GSE1: variants seen among roughly 807,000 people sequenced by gnomAD.
GSE1 encodes Gse1 coiled-coil protein, also known as genetic suppressor element 1.
GSE1 carries 32 observed loss-of-function variants against 112.6 expected under a neutral mutation model. That is an observed-to-expected ratio of 0.28 (90% CI 0.21 to 0.38). The LOEUF is 0.38. Ranked by LOEUF, GSE1 falls within the 10% of genes least tolerant of loss-of-function variation. The pLI, the probability that GSE1 is intolerant of heterozygous loss-of-function variation, is 1.00. For synonymous variants in GSE1, 1,115 were observed against 735.6 expected (o/e 1.52, Z -8.35); for missense variants, 2,348 against 1,699.2 (o/e 1.38, Z -6.71).
intron 1 of GSE1, among the ~76,000 whole-genome samples, chr16:85,599,596 C>G (rs1432142481): frequency 6.6e-6 from 1 of 152,242 alleles, no homozygotes; most frequent in East Asian, 1.9e-4. Flanking sequence ...CCTGTGATCA[C>G]AAGCCTCTTG....
chr16:85,286,285 G>A (rs1445875327), intron 1 of GSE1, among the ~76,000 whole-genome samples: 2 of 152,238 alleles, frequency 1.3e-5, no homozygotes, highest in African/African-American at 4.8e-5. Context: ...GAGGCTCTCC[G>A]TGTCCTTGCC....
Position 85,656,528 on chromosome 16 carries a change from G to A in GSE1, c.1175G>A (p.Arg392Gln), listed in dbSNP as rs766892362. 41 of 1,548,894 alleles carry A rather than the reference G, an allele frequency of 2.6e-5. No individual in the cohort carries two copies. The highest frequency in any genetic ancestry group is 9.8e-5 in the East Asian group (4 of 40,924). ...GAGCTGGAGCGCCAGCGGGAGCAGC[G>A]GGCCCGGGAGAAGGAGCTGCTGGCC... ...ERELERQREQ[R>Q]AREKELLAAK... Residue 392 changes from arginine (R) to glutamine (Q), a missense_variant, in exon 7 of 16, where the codon CGG becomes CAG. By Grantham distance (43) the Arg-to-Gln change is conservative. Coordinates refer to ENST00000253458, the MANE Select transcript of GSE1 (RefSeq NM_014615.5).
chr16:85,518,111 G>A (rs1341247148), intron 2 of GSE1, among the ~76,000 whole-genome samples: 4 of 152,328 alleles, frequency 2.6e-5, no homozygotes, highest in Admixed American at 6.5e-5. Context: ...GCGCCAGCCA[G>A]GCTATCACTG....
intron 1 of GSE1, among the ~76,000 whole-genome samples, chr16:85,266,037 G>C (rs1484914600): frequency 6.6e-6 from 1 of 152,204 alleles, no homozygotes; most frequent in African/African-American, 2.4e-5. Flanking sequence ...ATTTCAGGCC[G>C]CGGCGCTGGG....
intron 2 of GSE1, among the ~76,000 whole-genome samples, chr16:85,391,068 C>A (rs1388049546): frequency 2.6e-5 from 4 of 151,484 alleles, no homozygotes; most frequent in African/African-American, 9.7e-5. Context: ...TGGTTTGATG[C>A]TGTCAGCTCC....
In GSE1 at chr16:85,616,518, G is replaced by A. The variant is rs570106098; in HGVS notation, c.7+3120G>A. 5.3e-5 allele frequency among the ~76,000 whole-genome samples: 8 copies of A among 152,304 alleles called. No individual in the cohort carries two copies. In the South Asian group the frequency reaches 1.7e-3, roughly 32 times the overall value. ...AGGGTTGGATGGGGACCCTCTCTGG[G>A]TAGCCTGTGAATTGTCTCTGTTGTG... On this transcript the variant is annotated intron_variant, in intron 1 of 15. Coordinates refer to ENST00000253458, the MANE Select transcript of GSE1 (RefSeq NM_014615.5).
At chr16:85,528,475 G>A (rs979033522) in intron 2 of GSE1, among the ~76,000 whole-genome samples, 3 of 136,636 alleles carry the variant, frequency 2.2e-5, no homozygotes, top group African/African-American at 8.7e-5. Context: ...CACCACCCCC[G>A]GCTAATTTTT....
At chr16:85,588,318 C>T (rs1399014291) in intron 1 of GSE1, among the ~76,000 whole-genome samples, 2 of 152,220 alleles carry the variant, frequency 1.3e-5, no homozygotes, top group Non-Finnish European at 2.9e-5. Flanking sequence ...TTGAGAGAGG[C>T]AGCACATGCT....
chr16:85,672,001 C>CT, intron 15 of GSE1: 1 of 210,088 alleles, frequency 4.8e-6, no homozygotes, highest in Non-Finnish European at 1.0e-5. Flanking sequence ...GAGAAGTGGA[C>CT]TTTGTTTCTC....
intron 1 of GSE1, among the ~76,000 whole-genome samples, chr16:85,625,888 T>C (rs1304136279): frequency 6.6e-6 from 1 of 152,012 alleles, no homozygotes; most frequent in African/African-American, 2.4e-5. Flanking sequence ...AGAGGACAGG[T>C]CTACACGGGC....
intron 1 of GSE1, among the ~76,000 whole-genome samples, chr16:85,183,317 T>C (rs2074633329): frequency 2.0e-5 from 3 of 152,268 alleles, no homozygotes. Context: ...AGCTCTCACC[T>C]GTGCCACTGT....
chr16:85,461,740 G>A (rs1180888111), intron 2 of GSE1, among the ~76,000 whole-genome samples: 1 of 152,156 alleles, frequency 6.6e-6, no homozygotes, highest in Non-Finnish European at 1.5e-5. Context: ...TGAAGCTCCA[G>A]GATTCAGAGC....
chr16:85,414,255 T>C (rs981843920), intron 2 of GSE1, among the ~76,000 whole-genome samples: 4 of 152,220 alleles, frequency 2.6e-5, no homozygotes, highest in African/African-American at 9.6e-5. Context: ...TCAGATACTT[T>C]CACGTGCTGA....
At chr16:85,252,468 A>G (rs1906595217) in intron 1 of GSE1, among the ~76,000 whole-genome samples, 1 of 152,238 alleles carries the variant, frequency 6.6e-6, no homozygotes, top group Admixed American at 6.5e-5. Context: ...CCCGGTCCCC[A>G]TCTCAAATTT....
At position 85,664,128 on chromosome 16, in the gene GSE1, C is replaced by A. The variant is rs17208646; in HGVS notation, c.2644+514C>A. 9.5e-3 allele frequency among the ~76,000 whole-genome samples: 1,451 copies of A among 152,360 alleles called. 10 individuals carry two copies. Among genetic ancestry groups the A allele is most frequent in the Non-Finnish European group, 0.016 (1,111 of 68,032 alleles). ...CACACAGGGCCACATTGGGACAGAC[C>A]CTCTGGGCTCGAATCCATATAGCAG... On this transcript the variant is annotated intron_variant, in intron 11 of 15. Transcript: ENST00000253458.
At chr16:85,239,423 C>T (rs868741685) in intron 1 of GSE1, among the ~76,000 whole-genome samples, 4 of 152,310 alleles carry the variant, frequency 2.6e-5, no homozygotes, top group South Asian at 2.1e-4. Flanking sequence ...TGGTGGAAGG[C>T]GCTGCAGGGG....
chr16:85,584,595 G>A (rs1323730020), intron 1 of GSE1, among the ~76,000 whole-genome samples: 13 of 147,038 alleles, frequency 8.8e-5, no homozygotes, highest in Admixed American at 7.5e-4. Flanking sequence ...CCCTCTCCCC[G>A]CACGCGTTCT....
intron 1 of GSE1, among the ~76,000 whole-genome samples, chr16:85,195,661 G>C (rs2074912713): frequency 6.6e-6 from 1 of 152,166 alleles, no homozygotes; most frequent in Non-Finnish European, 1.5e-5. Context: ...GCACCATTGA[G>C]GATGACCACT....
Position 85,652,389 on chromosome 16 carries a change from G to A in GSE1, c.427-1889G>A, listed in dbSNP as rs552453806. 2.4e-4 allele frequency among the ~76,000 whole-genome samples: 36 copies of A among 152,312 alleles called. 1 individual carries two copies. In the South Asian group the frequency reaches 6.0e-3, roughly 25 times the overall value. ...CTCAATAGGAAGTTCCCGGCCCCAC[G>A]CAGGGCGTCAGTGCCCATGTGTACC... On this transcript the variant is annotated intron_variant, in intron 3 of 15. Transcript: ENST00000253458.
Sources: gnomAD v4.1 joint callset for allele counts (sites outside exome capture counted in the v4.1 genomes callset) on GRCh38, gnomAD v4.1.1 for gene constraint, MANE v1.5 for transcripts, NCBI Gene and HGNC (gene_info 2026-07-23, HGNC 2026-07-21) for gene names.